Variants in ITFG1 observed in about 807,000 individuals in gnomAD.
The protein encoded by ITFG1 is integrin alpha FG-GAP repeat containing 1.
In ITFG1, 34 loss-of-function variants were observed where a neutral mutation model predicts 81.8. That is an observed-to-expected ratio of 0.42 (90% CI 0.32 to 0.55). The LOEUF (loss-of-function observed/expected upper bound fraction) is 0.55. ITFG1 is among the 20% of genes least tolerant of loss of function. The pLI, the probability that ITFG1 is intolerant of heterozygous loss-of-function variation, is 0.17. For missense variants in ITFG1, 672 were observed against 755.4 expected, an observed-to-expected ratio of 0.89 and a Z score of 1.29; for synonymous variants, 285 against 270.6, an observed-to-expected ratio of 1.05 and a Z score of -0.52.
chr16:47,286,903 A>T (rs1348490696), intron 10 of ITFG1, among the ~76,000 whole-genome samples: 1 of 152,314 alleles, frequency 6.6e-6, no homozygotes, highest in South Asian at 2.1e-4. Flanking sequence ...CTCACTGAAC[A>T]TCTCACATTT....
intron 12 of ITFG1, among the ~76,000 whole-genome samples, chr16:47,243,886 C>T (rs1965966100): frequency 1.3e-5 from 2 of 152,082 alleles, no homozygotes; most frequent in Non-Finnish European, 2.9e-5. Context: ...CAAAAATCAG[C>T]CGGGAGTGGT....
chr16:47,453,073 A>G (rs1403811908), intron 3 of ITFG1, among the ~76,000 whole-genome samples: 1 of 152,172 alleles, frequency 6.6e-6, no homozygotes, highest in Admixed American at 6.5e-5. Context: ...TCTTTACACA[A>G]TTTAGTGCTA....
intron 8 of ITFG1, among the ~76,000 whole-genome samples, chr16:47,333,564 C>A (rs1304347447): frequency 3.3e-5 from 5 of 152,116 alleles, no homozygotes; most frequent in African/African-American, 1.2e-4. Context: ...TAAAATTTTT[C>A]TTTTAATGAA....
intron 4 of ITFG1, among the ~76,000 whole-genome samples, chr16:47,452,519 C>T (rs1969402152): frequency 6.6e-6 from 1 of 152,100 alleles, no homozygotes; most frequent in African/African-American, 2.4e-5. Flanking sequence ...TTTGAAGCGA[C>T]TGAAATAAAA....
At chr16:47,383,736 C>T (rs1159583134) in intron 6 of ITFG1, among the ~76,000 whole-genome samples, 1 of 152,174 alleles carries the variant, frequency 6.6e-6, no homozygotes, top group Non-Finnish European at 1.5e-5. Flanking sequence ...GAAATCCCGT[C>T]TCTACTAAAT....
Position 47,313,785 on chromosome 16 carries a change from C to T in ITFG1, c.841G>A (p.Glu281Lys). 6.2e-7 allele frequency: 1 copy of T among 1,608,892 alleles called. No individual in the cohort carries two copies. The highest frequency in any genetic ancestry group is 8.5e-7 in the Non-Finnish European group (1 of 1,177,088). ...GHMDHLLPGC[E>K]DKNCQKSTIY... ...GTACTCTTTTGGCAATTTTTATCTT[C>T]ACAGCCTGGCAGTAAATGATCCATG... The change falls in exon 9 of 18, where the codon GAA becomes AAA. Residue 281 changes from glutamate to lysine, a missense_variant. Glu to Lys is a moderately conservative substitution (Grantham distance 56). Around this residue, in one of 3 missense-constraint regions of ITFG1, gnomAD observed 560 missense variants for 625.7 expected, o/e 0.90. Transcript: ENST00000320640.
In ITFG1 at chr16:47,455,825, T is replaced by A. The variant is rs139711326; in HGVS notation, c.282-1667A>T. 6.5e-4 allele frequency among the ~76,000 whole-genome samples: 96 copies of A among 147,578 alleles called. No individual in the cohort carries two copies. The East Asian group carries it at 0.012, about 19-fold the overall frequency. Reference sequence around the variant, plus strand: ...GGACTTAGAATTTAAAAGAGAAAGTTGAGAAAACCTCCTGCAAAGGAAAAT... The same window carrying A: ...GGACTTAGAATTTAAAAGAGAAAGTAGAGAAAACCTCCTGCAAAGGAAAAT... On this transcript the variant is annotated intron_variant, in intron 2 of 17. Transcript: ENST00000320640.
intron 13 of ITFG1, among the ~76,000 whole-genome samples, chr16:47,234,707 G>A (rs924159467): frequency 1.3e-5 from 2 of 152,194 alleles, no homozygotes; most frequent in Non-Finnish European, 2.9e-5. Context: ...ATATAAAACT[G>A]TGATATAATT....
At chr16:47,433,633 T>A (rs1459690371) in intron 5 of ITFG1, among the ~76,000 whole-genome samples, 1 of 151,846 alleles carries the variant, frequency 6.6e-6, no homozygotes, top group Non-Finnish European at 1.5e-5. Flanking sequence ...GTTACACCTC[T>A]TAAAAGGCAG....
intron 10 of ITFG1, among the ~76,000 whole-genome samples, chr16:47,291,405 A>C (rs1966903939): frequency 6.6e-6 from 1 of 152,004 alleles, no homozygotes; most frequent in African/African-American, 2.4e-5. Flanking sequence ...ATTTAATTGC[A>C]ATATGCCTTG....
intron 12 of ITFG1, among the ~76,000 whole-genome samples, chr16:47,241,435 A>C (rs1393162275): frequency 6.6e-6 from 1 of 152,250 alleles, no homozygotes; most frequent in Non-Finnish European, 1.5e-5. Flanking sequence ...CAAAATCTGG[A>C]ATATACATGC....
chr16:47,356,828 T>C (rs1411104779), intron 8 of ITFG1, among the ~76,000 whole-genome samples: 3 of 152,056 alleles, frequency 2.0e-5, no homozygotes, highest in South Asian at 2.1e-4. Flanking sequence ...TGTTTGAAAA[T>C]AGGGCAGGAT....
chr16:47,203,874 C>A (rs142256905), intron 14 of ITFG1, among the ~76,000 whole-genome samples: 2 of 152,204 alleles, frequency 1.3e-5, no homozygotes, highest in East Asian at 3.9e-4. Context: ...TGGGCTGGAG[C>A]AGGAGGGAAA....
intron 10 of ITFG1, among the ~76,000 whole-genome samples, chr16:47,269,046 A>AACATCATACT (rs892576144): frequency 6.6e-6 from 1 of 152,204 alleles, no homozygotes; most frequent in Non-Finnish European, 1.5e-5. Flanking sequence ...ACCTACAGTG[A>AACATCATACT]ACATCATACT....
intron 13 of ITFG1, among the ~76,000 whole-genome samples, chr16:47,232,542 G>T (rs1965826660): frequency 6.6e-6 from 1 of 151,950 alleles, no homozygotes; most frequent in Non-Finnish European, 1.5e-5. Flanking sequence ...GGGGAGGATG[G>T]GTAGTAGGTG....
In ITFG1 at chr16:47,162,757, A is replaced by G. The variant is rs560097038; in HGVS notation, c.1454-93T>C. On this transcript the variant is annotated intron_variant, in intron 14 of 17. Coordinates refer to ENST00000320640, the MANE Select transcript of ITFG1 (RefSeq NM_030790.5). ...ATGATAAAATGTTAAAAATTTAGGT[A>G]CTGGAATGTATCACGTTTCAAAATG... The G allele has an allele frequency of 7.6e-4, 813 of 1,063,152 alleles. 1 individual carries two copies. Among genetic ancestry groups the G allele is most frequent in the Non-Finnish European group, 1.0e-3 (753 of 736,158 alleles). The allele number at this position is 1,063,152 out of a possible 1,614,324, so 65.9% of individuals were successfully genotyped here.
At chr16:47,440,043 C>T (rs992979593) in intron 5 of ITFG1, among the ~76,000 whole-genome samples, 2 of 152,204 alleles carry the variant, frequency 1.3e-5, no homozygotes, top group Non-Finnish European at 2.9e-5. Context: ...ATCCTAGTCT[C>T]TGATAAAACA....
At chr16:47,347,846 C>G (rs562848784) in intron 8 of ITFG1, among the ~76,000 whole-genome samples, 61 of 152,340 alleles carry the variant, frequency 4.0e-4, no homozygotes, top group South Asian at 1.7e-3. Flanking sequence ...TGAGACGGAA[C>G]TTCCAGAGGA....
intron 10 of ITFG1, among the ~76,000 whole-genome samples, chr16:47,265,646 TAATGAATAAATCAACAA>T (rs1397868186): frequency 4.6e-5 from 7 of 152,166 alleles, no homozygotes; most frequent in Non-Finnish European, 7.4e-5. Flanking sequence ...ATAAGATTTC[TAATGAATAAATCAACAA>T]AAAGACAAAA....
Sources: gnomAD v4.1 joint callset for allele counts (sites outside exome capture counted in the v4.1 genomes callset) on GRCh38, gnomAD v4.1.1 for gene constraint, gnomAD v4.1.1 regional missense constraint, MANE v1.5 for transcripts, NCBI Gene and HGNC (gene_info 2026-07-23, HGNC 2026-07-21) for gene names.